The following RNLS variants were observed in gnomAD, a reference collection of about 807,000 sequenced individuals.
RNLS encodes renalase.
In RNLS, 39 loss-of-function variants were observed where a neutral mutation model predicts 39.8. That is an observed-to-expected ratio of 0.98 (90% confidence interval 0.76 to 1.28). The LOEUF (loss-of-function observed/expected upper bound fraction) is 1.28, where lower values mean the gene tolerates loss of function less well. Among genes scored for constraint, RNLS ranks in the 50% most tolerant of loss-of-function variants. The probability of loss-of-function intolerance (pLI) is 0.00; values close to 1 mark genes in which losing one functional copy is unlikely to be tolerated. For missense variants in RNLS, 410 were observed against 413.3 expected (o/e 0.99, Z 0.07); for synonymous variants, 147 against 150.7 (o/e 0.98, Z 0.18).
At chr10:88,275,550 A>G (rs1464749843) in intron 6 of RNLS, among the ~76,000 whole-genome samples, 2 of 152,222 alleles carry the variant, frequency 1.3e-5, no homozygotes, top group African/African-American at 4.8e-5. Flanking sequence ...TGATATATTC[A>G]TAAAATGGAA....
chr10:88,315,466 A>G (rs1845688651), intron 5 of RNLS, among the ~76,000 whole-genome samples: 1 of 152,214 alleles, frequency 6.6e-6, no homozygotes, highest in Non-Finnish European at 1.5e-5. Context: ...ATCATGCAGA[A>G]GAGAAAGCTG....
chr10:88,434,287 G>GGT (rs1364420582), intron 4 of RNLS, among the ~76,000 whole-genome samples: 1 of 152,042 alleles, frequency 6.6e-6, no homozygotes, highest in Non-Finnish European at 1.5e-5. Context: ...ACAGTGTAAG[G>GGT]GTGTGTGTGG....
the RNLS span, among the ~76,000 whole-genome samples, chr10:88,187,898 T>A: frequency 6.6e-6 from 1 of 152,250 alleles, no homozygotes; most frequent in Non-Finnish European, 1.5e-5. Flanking sequence ...TGGGCAATAG[T>A]AGACGTTTAG....
At chr10:88,232,531 T>C in the RNLS span, among the ~76,000 whole-genome samples, 1 of 152,184 alleles carries the variant, frequency 6.6e-6, no homozygotes, top group Admixed American at 6.5e-5. Context: ...TCCTCCCACT[T>C]TAGCCTCCCA....
chr10:88,384,351 T>C (rs766034851), intron 4 of RNLS, among the ~76,000 whole-genome samples: 1 of 152,208 alleles, frequency 6.6e-6, no homozygotes, highest in African/African-American at 2.4e-5. Flanking sequence ...AACCATTATT[T>C]AGATGGTTAA....
At chr10:88,478,995 T>C (rs1004551506) in intron 4 of RNLS, among the ~76,000 whole-genome samples, 3 of 152,250 alleles carry the variant, frequency 2.0e-5, no homozygotes, top group African/African-American at 4.8e-5. Context: ...ATTAACTAGG[T>C]ACTATTTCTT....
At chr10:88,413,489 G>C (rs1033895305) in intron 4 of RNLS, among the ~76,000 whole-genome samples, 1 of 152,052 alleles carries the variant, frequency 6.6e-6, no homozygotes, top group Non-Finnish European at 1.5e-5. Context: ...TCACCTACTT[G>C]GTATTATACC....
chr10:88,264,929 G>T, the RNLS span, among the ~76,000 whole-genome samples: 1 of 152,160 alleles, frequency 6.6e-6, no homozygotes, highest in Non-Finnish European at 1.5e-5. Context: ...GTCTAGAAGG[G>T]TTTTTCCAAT....
At chr10:88,291,384 G>A (rs1055758229) in intron 6 of RNLS, among the ~76,000 whole-genome samples, 1 of 152,154 alleles carries the variant, frequency 6.6e-6, no homozygotes, top group Non-Finnish European at 1.5e-5. Context: ...TTCAAAGGAA[G>A]GTAAATGTAC....
intron 4 of RNLS, among the ~76,000 whole-genome samples, chr10:88,565,699 TC>T (rs1849453432): frequency 6.6e-6 from 1 of 151,910 alleles, no homozygotes; most frequent in Non-Finnish European, 1.5e-5. Context: ...AAGATCTATT[TC>T]TTTTCAGCAT....
chr10:88,552,865 T>A (rs1848667331), intron 4 of RNLS, among the ~76,000 whole-genome samples: 1 of 152,188 alleles, frequency 6.6e-6, no homozygotes, highest in Non-Finnish European at 1.5e-5. Context: ...TTAGTTTTCT[T>A]TCATTCAAAT....
intron 4 of RNLS, among the ~76,000 whole-genome samples, chr10:88,376,139 G>T (rs1022533066): frequency 6.6e-6 from 1 of 152,056 alleles, no homozygotes; most frequent in African/African-American, 2.4e-5. Context: ...GATTCCCAGG[G>T]AGGGGATTCA....
chr10:88,243,886 T>C, the RNLS span, among the ~76,000 whole-genome samples: 3 of 152,222 alleles, frequency 2.0e-5, no homozygotes, highest in East Asian at 1.9e-4. Context: ...CATTTCACTA[T>C]CTAAATCAGG....
At chr10:88,346,882 T>A (rs1257453853) in intron 5 of RNLS, among the ~76,000 whole-genome samples, 1 of 152,186 alleles carries the variant, frequency 6.6e-6, no homozygotes, top group Non-Finnish European at 1.5e-5. Context: ...AGCAGCAGGC[T>A]CTGCAGTCAG....
intron 4 of RNLS, among the ~76,000 whole-genome samples, chr10:88,493,209 T>C (rs968683008): frequency 1.3e-5 from 2 of 152,162 alleles, no homozygotes; most frequent in African/African-American, 4.8e-5. Context: ...AAATGGATAA[T>C]AAATGAATAT....
At chr10:88,352,734 T>A (rs547208749) in intron 5 of RNLS, among the ~76,000 whole-genome samples, 9 of 152,334 alleles carry the variant, frequency 5.9e-5, no homozygotes, top group Admixed American at 2.0e-4. Context: ...TAGGGAGGAT[T>A]CCCTCTTTTT....
chr10:88,381,833 G>GT (rs1036959323), intron 4 of RNLS, among the ~76,000 whole-genome samples: 2 of 151,912 alleles, frequency 1.3e-5, no homozygotes, highest in East Asian at 1.9e-4. Flanking sequence ...CCCCTGTCTG[G>GT]TTTTTTTATA....
intron 4 of RNLS, among the ~76,000 whole-genome samples, chr10:88,486,857 C>G (rs1844556817): frequency 6.6e-6 from 1 of 152,170 alleles, no homozygotes; most frequent in Admixed American, 6.6e-5. Context: ...AATCCCATTA[C>G]TGGGTATATA....
At position 88,573,019 on chromosome 10, in the gene RNLS, AG is replaced by A; in HGVS notation, c.409del (p.Leu137Ter). ...YFRHRVTQIN[L>X]RDDKWEVSKQ... ...GGATACTTCCCATTTGTCATCTCTTAGGTTGATCTGTGTCACACGATGTCTG... is the reference window on the plus strand; with the variant it reads ...GGATACTTCCCATTTGTCATCTCTTAGTTGATCTGTGTCACACGATGTCTG... On this transcript the variant is annotated frameshift_variant, in exon 4 of 7. Coordinates refer to ENST00000331772, the MANE Select transcript of RNLS (RefSeq NM_001031709.3). LOFTEE classifies it high-confidence loss of function. 1.9e-6 allele frequency: 3 copies of A among 1,614,058 alleles called. No individual in the cohort carries two copies. Among genetic ancestry groups the A allele is most frequent in the Middle Eastern group, 3.3e-4 (2 of 6,062 alleles).
Sources: allele counts gnomAD v4.1 joint callset (sites outside exome capture counted in the v4.1 genomes callset), GRCh38; gene constraint gnomAD v4.1.1; transcripts MANE v1.5; gene names NCBI Gene and HGNC (gene_info 2026-07-23, HGNC 2026-07-21).